The following SIRT2 variants were observed in gnomAD, a reference collection of about 807,000 sequenced individuals.
SIRT2 encodes the protein sirtuin 2.
Under a neutral mutation model 57.4 loss-of-function variants are expected in SIRT2, and 40 were observed. The observed-to-expected ratio is 0.70, with a 90% CI of 0.54 to 0.91. The LOEUF is 0.91. Among genes scored for constraint, SIRT2 ranks in the 40% least tolerant of loss-of-function variants. The pLI is 0.00. For missense variants in SIRT2, 439 were observed against 510.4 expected (o/e 0.86, Z 1.35); for synonymous variants, 161 against 195.7 (o/e 0.82, Z 1.48).
At chr19:38,883,834 G>A (rs1600109999) in intron 8 of SIRT2, 78 bp from the exon 9 acceptor site, 1 of 1,509,374 alleles carries the variant, frequency 6.6e-7, no homozygotes, top group Non-Finnish European at 9.1e-7. Context: ...AGGGAGTTGA[G>A]GGCCACGAGG....
intron 8 of SIRT2, among the ~76,000 whole-genome samples, chr19:38,886,666 G>C (rs528122640): frequency 1.5e-4 from 22 of 149,578 alleles, no homozygotes; most frequent in Admixed American, 6.0e-4. Context: ...CTGTTGCCCA[G>C]GTTGGAGTGC....
Position 38,889,072 on chromosome 19 carries a change from C to T in SIRT2, c.501+15G>A, listed in dbSNP as rs1390622873. 6.2e-7 allele frequency: 1 copy of T among 1,609,940 alleles called. No individual in the cohort carries two copies. ...ACCCGCCCATCCTCCTCCCAGGATG[C>T]TCGCATCCGCCTACCTGCGTGTAGC... On this transcript the variant is annotated intron_variant, in intron 8 of 15. Coordinates refer to ENST00000249396, the MANE Select transcript of SIRT2 (RefSeq NM_012237.4).
intron 2 of SIRT2, 109 bp from the exon 3 acceptor site, chr19:38,893,976 G>A (rs757611518): frequency 2.5e-6 from 4 of 1,569,376 alleles, no homozygotes; most frequent in Non-Finnish European, 3.5e-6. Context: ...GGTGGCCTGA[G>A]GAAGTGCGGG....
chr19:38,882,850 G>C (rs1033262110), intron 9 of SIRT2, among the ~76,000 whole-genome samples: 3 of 152,000 alleles, frequency 2.0e-5, no homozygotes, highest in Non-Finnish European at 4.4e-5. Flanking sequence ...ACACATAATG[G>C]GGGTAATGTG....
Position 38,878,683 on chromosome 19 carries a change from C to T in SIRT2, c.*472G>A, listed in dbSNP as rs542779642. The T allele has an allele frequency of 3.9e-5, 6 of 154,344 alleles. No individual in the cohort carries two copies. The highest frequency in any genetic ancestry group is 2.0e-4 in the South Asian group (1 of 4,968). The allele number at this position is 154,344 out of a possible 1,614,324, so 9.6% of individuals were successfully genotyped here. ...ACTTTGGGAGCTGAAGGCAGAGACT[C>T]GGGAGCCCTCCCGGCTCAGACTCCC... On this transcript the variant is annotated 3_prime_UTR_variant, in exon 16 of 16. Transcript: ENST00000249396.
intron 2 of SIRT2, chr19:38,894,554 C>T (rs186147367): frequency 3.4e-5 from 10 of 296,174 alleles, no homozygotes; most frequent in Admixed American, 4.2e-5. Flanking sequence ...CCTTCGTTCC[C>T]GGGTCCCCTG....
Position 38,879,008 on chromosome 19 carries a change from G to A in SIRT2, c.*147C>T. ...CTGGGGTTGGGGGCCAGGGTTGCTG[G>A]GACCCCAGTTTTGGGGAGGGAGCTG... On this transcript the variant is annotated 3_prime_UTR_variant, in exon 16 of 16. Transcript: ENST00000249396. 1.2e-6 allele frequency: 1 copy of A among 818,072 alleles called. No individual in the cohort carries two copies. Among genetic ancestry groups the A allele is most frequent in the Non-Finnish European group, 1.8e-6 (1 of 545,750 alleles). The allele number at this position is 818,072 out of a possible 1,614,324, so 50.7% of individuals were successfully genotyped here.
Position 38,880,851 on chromosome 19 carries a change from T to C in SIRT2, c.794A>G (p.Gln265Arg). 6.2e-7 allele frequency: 1 copy of C among 1,613,858 alleles called. No homozygotes were observed. Among genetic ancestry groups the C allele is most frequent in the Non-Finnish European group, 8.5e-7 (1 of 1,179,906 alleles). ...GATGAGGGAGGCAAAGGGCTGCACC[T>C]GCAAGGAGGTACCCATGACCAGGAG... ...DLLLVMGTSLQVQPFASLISK... is the reference protein window; with the variant it reads ...DLLLVMGTSLRVQPFASLISK... Residue 265 changes from glutamine (Q) to arginine (R), a missense_variant, in exon 12 of 16, where the codon CAG (glutamine) becomes CGG (arginine). Coordinates refer to ENST00000249396, the MANE Select transcript of SIRT2 (RefSeq NM_012237.4). This position sits in a 1 kb window ranked among gnomAD's most constrained non-coding sequence, Gnocchi z 4.1.
At chr19:38,899,350 A>G (rs1285855658) in intron 1 of SIRT2, among the ~76,000 whole-genome samples, 156 bp downstream of exon 1, 2 of 152,214 alleles carry the variant, frequency 1.3e-5, no homozygotes, top group African/African-American at 4.8e-5. Context: ...CCACCAGCCT[A>G]GCGATACAGA....
At chr19:38,899,482 C>T (rs1230667413) in intron 1 of SIRT2, 24 bp downstream of exon 1, 3 of 1,612,820 alleles carry the variant, frequency 1.9e-6, no homozygotes, top group African/African-American at 2.7e-5. Flanking sequence ...CGGCCCGACC[C>T]TCCTACCCGG....
intron 7 of SIRT2, 98 bp from the exon 8 acceptor site, chr19:38,889,253 C>A (rs1294369793): frequency 1.2e-5 from 14 of 1,162,230 alleles, no homozygotes; most frequent in East Asian, 9.5e-5. Context: ...GACTGTTTTA[C>A]CCCCAGGGAA....
At position 38,899,509 on chromosome 19, in the gene SIRT2, C is replaced by G; in HGVS notation, c.13G>C (p.Asp5His). 3.7e-6 allele frequency: 6 copies of G among 1,613,642 alleles called. No individual in the cohort carries two copies. Among genetic ancestry groups the G allele is most frequent in the Non-Finnish European group, 5.1e-6 (6 of 1,179,958 alleles). ...CCTACCCGGATCCCCGACTCACGGT[C>G]TGGCTCTGCCATGGGCGCGGTGCTG... MAEP[D>H]PSHPLETQAG... The change falls in exon 1 of 16, where the codon GAC becomes CAC. Residue 5 changes from aspartate to histidine, a missense_variant. Physicochemically the swap from Asp to His is moderately conservative, Grantham distance 81. Transcript: ENST00000249396.
chr19:38,894,880 ATC>A (rs1436872564), intron 2 of SIRT2: 1 of 455,778 alleles, frequency 2.2e-6, no homozygotes, highest in Admixed American at 2.4e-5. Context: ...TCATGATACC[ATC>A]TCTCTGCCCT....
chr19:38,887,223 T>C (rs1372593713), intron 8 of SIRT2, among the ~76,000 whole-genome samples: 1 of 152,204 alleles, frequency 6.6e-6, no homozygotes, highest in Non-Finnish European at 1.5e-5. Flanking sequence ...CCATCTTATA[T>C]GCTCAGTATA....
In SIRT2 at chr19:38,880,960, C is replaced by T. The variant is rs1480281406; in HGVS notation, c.748-63G>A. ...GGCTGCGCCACCGCTCCCTCCCCCG[C>T]CCCCAGCAGCAAACCTCCCTGCCGC... On this transcript the variant is annotated intron_variant, in intron 11 of 15. Transcript: ENST00000249396. This position sits in a 1 kb window ranked among gnomAD's most constrained non-coding sequence, Gnocchi z 4.1. The T allele has an allele frequency of 3.8e-6, 6 of 1,566,810 alleles. No homozygotes were observed. In the East Asian group the frequency reaches 6.7e-5, roughly 18 times the overall value.
chr19:38,879,799 T>C (rs1973079316), intron 13 of SIRT2, 97 bp from the exon 14 acceptor site: 23 of 831,498 alleles, frequency 2.8e-5, no homozygotes, highest in Non-Finnish European at 5.7e-6. Flanking sequence ...ATCCTAGCTC[T>C]GTGACTTTGT....
chr19:38,898,029 T>C (rs1409435655), intron 2 of SIRT2, among the ~76,000 whole-genome samples: 1 of 152,222 alleles, frequency 6.6e-6, no homozygotes, highest in Non-Finnish European at 1.5e-5. Context: ...GTCATCACGC[T>C]GTGAGATCAT....
At chr19:38,898,735 T>C (rs996185148) in intron 1 of SIRT2, 1 of 298,396 alleles carries the variant, frequency 3.4e-6, no homozygotes, top group East Asian at 5.5e-5. Flanking sequence ...TCCAACCACC[T>C]TGGCCTCCCA....
intron 1 of SIRT2, 46 bp from the exon 2 acceptor site, chr19:38,898,471 GGGGGGAATAAA>G (rs779717488): frequency 4.6e-5 from 62 of 1,337,890 alleles, no homozygotes; most frequent in African/African-American, 7.3e-5. Flanking sequence ...GAACGATTAA[GGGGGGAATAAA>G]GGGGTTCAAA....
Sources: allele counts gnomAD v4.1 joint callset (sites outside exome capture counted in the v4.1 genomes callset), GRCh38; gene constraint gnomAD v4.1.1; non-coding constraint Gnocchi (gnomAD v3.1); transcripts MANE v1.5; gene names NCBI Gene and HGNC (gene_info 2026-07-23, HGNC 2026-07-21).